Variants in FAM234B observed in about 807,000 individuals in gnomAD.
FAM234B encodes the protein protein FAM234B.
A neutral mutation model predicts 69.3 loss-of-function variants in FAM234B; 33 were observed. The observed-to-expected ratio is 0.48, with a 90% CI of 0.36 to 0.64. FAM234B has a LOEUF of 0.64. FAM234B is among the 30% of genes least tolerant of loss of function. FAM234B has a pLI of 0.00. For missense variants in FAM234B, 697 were observed against 769.7 expected (o/e 0.91, Z 1.12); for synonymous variants, 306 against 306.9 (o/e 1.00, Z 0.03).
At chr12:13,075,281 C>T (rs1212147229) in intron 10 of FAM234B, among the ~76,000 whole-genome samples, 2 of 152,140 alleles carry the variant, frequency 1.3e-5, no homozygotes, top group Non-Finnish European at 2.9e-5. Context: ...ATATCTTTGG[C>T]TCACTGTGTT....
At chr12:13,069,687 G>A (rs1865081834) in intron 9 of FAM234B, among the ~76,000 whole-genome samples, 1 of 152,196 alleles carries the variant, frequency 6.6e-6, no homozygotes, top group African/African-American at 2.4e-5. Context: ...GAAAAGGTTT[G>A]CTGAATAGAT....
intron 3 of FAM234B, among the ~76,000 whole-genome samples, chr12:13,060,578 A>C (rs1205630114): frequency 6.6e-6 from 1 of 150,646 alleles, no homozygotes; most frequent in East Asian, 2.1e-4. Flanking sequence ...ACCATATACC[A>C]CCTCTGTTTG....
Position 13,066,623 on chromosome 12 carries a change from C to T in FAM234B, c.853-17C>T, listed in dbSNP as rs201299734. On this transcript the variant is annotated splice_polypyrimidine_tract_variant and intron_variant, in intron 5 of 12. Coordinates refer to ENST00000197268, the MANE Select transcript of FAM234B (RefSeq NM_020853.2). ...TAGGGCTTCTATTGACTCCACCCCC[C>T]TCTCTTACTTCCTCAGCCAGATCTG... 13 of 1,604,290 alleles carry T rather than the reference C, an allele frequency of 8.1e-6. No homozygotes were observed. The highest frequency in any genetic ancestry group is 2.2e-5 in the South Asian group (2 of 89,274).
intron 9 of FAM234B, among the ~76,000 whole-genome samples, chr12:13,070,740 C>G (rs1865096937): frequency 6.6e-6 from 1 of 152,102 alleles, no homozygotes; most frequent in Non-Finnish European, 1.5e-5. Context: ...GGTCCATATG[C>G]CACGACACCA....
Position 13,083,227 on chromosome 12 carries a change from C to T in FAM234B, c.*2597C>T, listed in dbSNP as rs1865260805. ...TACTGAGAAATAGTAATGACTTCTA[C>T]AAATGCAAGGGTCTTACCCTCCTCT... On this transcript the variant is annotated 3_prime_UTR_variant, in exon 13 of 13. Transcript: ENST00000197268. The T allele has an allele frequency of 6.6e-6, 1 of 152,462 alleles. No homozygotes were observed. The highest frequency in any genetic ancestry group is 2.4e-5 in the African/African-American group (1 of 41,394). 9.4% of individuals were successfully genotyped at this position (152,462 alleles called of 1,614,324 possible).
At chr12:13,071,452 A>G in intron 10 of FAM234B, 56 bp downstream of exon 10, 1 of 1,495,678 alleles carries the variant, frequency 6.7e-7, no homozygotes, top group Non-Finnish European at 9.3e-7. Context: ...GCTGCTGTGC[A>G]GGGCTGACTG....
rs757671260 is a variant in FAM234B, at chr12:13,068,721, T to C, written c.1368+10T>C. On this transcript the variant is annotated intron_variant, in intron 9 of 12. Coordinates refer to ENST00000197268, the MANE Select transcript of FAM234B (RefSeq NM_020853.2). ...AGTTGGGATGAAAAAGGTAAAACTT[T>C]GGGCCTCAGATCAATCAAAGCATAT... 6.4e-7 allele frequency: 1 copy of C among 1,573,036 alleles called. No homozygotes were observed. Among genetic ancestry groups the C allele is most frequent in the Non-Finnish European group, 8.8e-7 (1 of 1,142,840 alleles).
rs375966263 is a variant in FAM234B, at chr12:13,080,612, T to C, written c.1864-13T>C. On this transcript the variant is annotated splice_polypyrimidine_tract_variant and intron_variant, in intron 12 of 12. Transcript: ENST00000197268. The stretch of plus-strand genomic sequence containing the variant: ...TGAAAAACAATAAAGTCACGATAAC[T>C]CTTTTTCCATAGATCTAATCTGATG... The C allele has an allele frequency of 3.1e-6, 5 of 1,603,772 alleles. No homozygotes were observed. The South Asian group carries it at 4.4e-5, about 14-fold the overall frequency.
chr12:13,068,306 A>T lies in FAM234B; in HGVS notation c.1145A>T (p.Asp382Val), dbSNP rs199828824. ...CGTTGGGGTCTTATTTAACCCAGTGATGGTGTTGAACTACTCCAGATGGTG... is the reference window on the plus strand; with the variant it reads ...CGTTGGGGTCTTATTTAACCCAGTGTTGGTGTTGAACTACTCCAGATGGTG... ...NLSELIDVYS[D>V]GVELLQMVKA... Residue 382 changes from aspartate to valine, a missense_variant and splice_region_variant, in exon 8 of 13, where the codon GAT (aspartate) becomes GTT (valine). By Grantham distance (152) the Asp-to-Val change is radical. This residue lies in a region of FAM234B where 313 missense variants were observed against 305.5 expected (regional missense o/e 1.02). Transcript: ENST00000197268. The T allele has an allele frequency of 4.6e-4, 737 of 1,614,118 alleles. 5 individuals are homozygous for T. The highest frequency in any genetic ancestry group is 2.4e-3 in the South Asian group (221 of 91,066).
intron 10 of FAM234B, among the ~76,000 whole-genome samples, chr12:13,073,887 C>T (rs570841936): frequency 6.6e-6 from 1 of 152,308 alleles, no homozygotes; most frequent in East Asian, 1.9e-4. Context: ...TAATCTCCGA[C>T]ATCATTTTGT....
Position 13,068,638 on chromosome 12 carries a change from C to T in FAM234B, c.1295C>T (p.Thr432Ile). ...LRLQGLRSQP[T>I]PGYFTDDQTL... ...TTTGTCCTTATTTGCAGCCAGCCTA[C>T]TCCTGGATATTTCACTGATGATCAG... Residue 432 changes from threonine to isoleucine, a missense_variant, in exon 9 of 13, where the codon ACT (threonine) becomes ATT (isoleucine). Physicochemically the swap from Thr to Ile is moderately conservative, Grantham distance 89. This residue lies in a region of FAM234B where 313 missense variants were observed against 305.5 expected (regional missense o/e 1.02). Transcript: ENST00000197268. 6.2e-7 allele frequency: 1 copy of T among 1,611,846 alleles called. No individual in the cohort carries two copies. Among genetic ancestry groups the T allele is most frequent in the Non-Finnish European group, 8.5e-7 (1 of 1,178,112 alleles).
chr12:13,079,977 T>C lies in FAM234B; in HGVS notation c.1831T>C (p.Ser611Pro), dbSNP rs868487282. The C allele has an allele frequency of 1.2e-6, 2 of 1,610,204 alleles. No homozygotes were observed. Among genetic ancestry groups the C allele is most frequent in the Middle Eastern group, 3.3e-4 (2 of 6,016 alleles). ...IGRGELRRFL[S>P]RIKFVEAPYE... ...CCGTGGGGAGCTGCGAAGATTTCTC[T>C]CTAGGATAAAGTTTGTTGAAGCTCC... Residue 611 changes from serine to proline, a missense_variant, in exon 12 of 13, where the codon TCT becomes CCT. Transcript: ENST00000197268.
Position 13,068,394 on chromosome 12 carries a change from T to G in FAM234B, c.1233T>G (p.Leu411=). 2 of 1,614,196 alleles carry G rather than the reference T, an allele frequency of 1.2e-6. No homozygotes were observed. Among genetic ancestry groups the G allele is most frequent in the African/African-American group, 2.7e-5 (2 of 75,040 alleles). ...CAACCAGACAAAGCCTTGTGCTGCT[T>G]CGGGGGCAAAATCTGACACCTTACT... ...LITTRQSLVL[L]RGQNLTPYWA... is the part of the protein sequence containing the mutation. Residue 411 remains leucine (L), a synonymous_variant, in exon 8 of 13, where the codon CTT becomes CTG. Transcript: ENST00000197268.
chr12:13,071,412 A>G lies in FAM234B; in HGVS notation c.1524+16A>G. On this transcript the variant is annotated intron_variant, in intron 10 of 12. Transcript: ENST00000197268. ...TCCCAATTCCGTGAGTGAGCCTGGG[A>G]GGGTCCCTTTTTTACTTTGTCAGAT... 1 of 1,612,920 alleles carries G rather than the reference A, an allele frequency of 6.2e-7. No homozygotes were observed.
intron 3 of FAM234B, among the ~76,000 whole-genome samples, chr12:13,059,960 T>A (rs958444380): frequency 6.6e-6 from 1 of 152,266 alleles, no homozygotes; most frequent in African/African-American, 2.4e-5. Context: ...CAGGCTGATT[T>A]GGCCACAGAC....
intron 1 of FAM234B, among the ~76,000 whole-genome samples, chr12:13,048,658 G>A (rs183932295): frequency 8.2e-4 from 125 of 152,166 alleles, no homozygotes; most frequent in Middle Eastern, 3.4e-3. Context: ...TATGTAGCCC[G>A]TACAGACTTT....
chr12:13,067,344 C>T lies in FAM234B; in HGVS notation c.1142+48C>T, dbSNP rs1480575434. ...GTCACAGTGAGATCTCTTGTGAACT[C>T]ACATGCCTTTGAGTCTCTAAGTTTG... On this transcript the variant is annotated intron_variant, in intron 7 of 12. Coordinates refer to ENST00000197268, the MANE Select transcript of FAM234B (RefSeq NM_020853.2). This position sits in a 1 kb window ranked among gnomAD's most constrained non-coding sequence, Gnocchi z 4.7. The T allele has an allele frequency of 6.2e-7, 1 of 1,604,556 alleles. No individual in the cohort carries two copies. The highest frequency in any genetic ancestry group is 8.5e-7 in the Non-Finnish European group (1 of 1,172,270).
chr12:13,045,020 G>A (rs1170897729), intron 1 of FAM234B, among the ~76,000 whole-genome samples: 1 of 152,150 alleles, frequency 6.6e-6, no homozygotes, highest in Non-Finnish European at 1.5e-5. Context: ...GGCCTTGAAC[G>A]TCAGGGGTCT....
At chr12:13,061,192 C>T (rs374962228) in intron 3 of FAM234B, among the ~76,000 whole-genome samples, 1 of 152,268 alleles carries the variant, frequency 6.6e-6, no homozygotes, top group African/African-American at 2.4e-5. Context: ...TGATTTTGCT[C>T]CTGTCTCTTA....
Sources: allele counts gnomAD v4.1 joint callset (sites outside exome capture counted in the v4.1 genomes callset), GRCh38; gene constraint gnomAD v4.1.1; regional missense constraint gnomAD v4.1.1; non-coding constraint Gnocchi (gnomAD v3.1); transcripts MANE v1.5; gene names NCBI Gene and HGNC (gene_info 2026-07-23, HGNC 2026-07-21).